ZNF700: variants seen among roughly 807,000 people sequenced by gnomAD.
ZNF700 encodes zinc finger protein 700.
In ZNF700, 38 loss-of-function variants were observed where a neutral mutation model predicts 65.3. That is an observed-to-expected ratio of 0.58 (90% CI 0.45 to 0.76). The LOEUF (loss-of-function observed/expected upper bound fraction) is 0.76, where lower values mean the gene tolerates loss of function less well. ZNF700 is among the 30% of genes least tolerant of loss of function. The pLI, the probability that ZNF700 is intolerant of heterozygous loss-of-function variation, is 0.00. For synonymous variants in ZNF700, 285 were observed against 290.4 expected (o/e 0.98, Z 0.19); for missense variants, 857 against 888.4 (o/e 0.96, Z 0.45).
In ZNF700 at chr19:11,949,352, A is replaced by G; in HGVS notation, c.1328A>G (p.Glu443Gly). Residue 443 changes from glutamate (E) to glycine (G), a missense_variant, in exon 4 of 4, where the codon GAG becomes GGG. This residue lies in a region of ZNF700 where 603 missense variants were observed against 619.9 expected (regional missense o/e 0.97). Coordinates refer to ENST00000254321, the MANE Select transcript of ZNF700 (RefSeq NM_144566.3). ...GTGCACGGTGGGACTCACACTGGAG[A>G]GAAACCCTATGAATGTAAGGAATGT... is the stretch of plus-strand genomic sequence containing the variant. ...LRVHGGTHTG[E>G]KPYECKECGK... is the part of the protein sequence containing the mutation. The G allele has an allele frequency of 6.2e-7, 1 of 1,613,826 alleles. No individual in the cohort carries two copies. Among genetic ancestry groups the G allele is most frequent in the East Asian group, 2.2e-5 (1 of 44,822 alleles).
intron 1 of ZNF700, among the ~76,000 whole-genome samples, chr19:11,945,476 A>G (rs191178428): frequency 1.3e-5 from 2 of 152,270 alleles, no homozygotes; most frequent in Admixed American, 6.5e-5. Context: ...GCAAAGGACT[A>G]TAATTCCAAA....
Position 11,949,242 on chromosome 19 carries a change from A to G in ZNF700, c.1218A>G (p.Arg406=), listed in dbSNP as rs1252537763. 2 of 1,613,840 alleles carry G rather than the reference A, an allele frequency of 1.2e-6. No homozygotes were observed. The highest frequency in any genetic ancestry group is 2.2e-5 in the East Asian group (1 of 44,858). The change falls in exon 4 of 4, where the codon CGA becomes CGG. Residue 406 remains arginine (R), a synonymous_variant. Transcript: ENST00000254321. ...GKAFNLSSSF[R]YHERIHTGEK... is the part of the protein sequence containing the mutation. ...CCTTCAATCTTTCCAGTTCCTTTCG[A>G]TATCATGAAAGGATTCACACTGGAG... is the stretch of plus-strand genomic sequence containing the variant.
rs142459251 is a variant in ZNF700, at chr19:11,935,962, G to T, written c.63+10689G>T. The stretch of plus-strand genomic sequence containing the variant: ...TATGAGTGAGAATATGCAGTGTTTG[G>T]TTTTCTGTTCTTGTGATAGTCTGCT... On this transcript the variant is annotated intron_variant, in intron 1 of 3. Coordinates refer to ENST00000254321, the MANE Select transcript of ZNF700 (RefSeq NM_144566.3). 2.6e-4 allele frequency among the ~76,000 whole-genome samples: 39 copies of T among 152,238 alleles called. No homozygotes were observed. The East Asian group carries it at 6.6e-3, about 26-fold the overall frequency.
chr19:11,947,120 G>A (rs1002801609), intron 1 of ZNF700, 61 bp from the exon 2 acceptor site: 16 of 1,588,166 alleles, frequency 1.0e-5, no homozygotes, highest in African/African-American at 8.2e-5. Context: ...TGGGAATAGA[G>A]TCTAGGCCTC....
chr19:11,946,858 C>G (rs1036008028), intron 1 of ZNF700: 1 of 261,936 alleles, frequency 3.8e-6, no homozygotes, highest in African/African-American at 2.3e-5. Flanking sequence ...AGGTCACTCA[C>G]GCGTGGTGGT....
rs775770825 is a variant in ZNF700, at chr19:11,948,815, C to T, written c.791C>T (p.Thr264Ile). Residue 264 changes from threonine (T) to isoleucine (I), a missense_variant, in exon 4 of 4, where the codon ACC (threonine) becomes ATC (isoleucine). This residue lies in a region of ZNF700 where 603 missense variants were observed against 619.9 expected (regional missense o/e 0.97). Coordinates refer to ENST00000254321, the MANE Select transcript of ZNF700 (RefSeq NM_144566.3). ...QCGKSFTYSA[T>I]LQIHERTHTG... ...GGTAAATCCTTTACTTATTCTGCTA[C>T]CCTTCAAATACATGAAAGAACTCAC... 5.6e-6 allele frequency: 9 copies of T among 1,608,460 alleles called. No individual in the cohort carries two copies. The East Asian group carries it at 2.0e-4, about 36-fold the overall frequency.
intron 1 of ZNF700, among the ~76,000 whole-genome samples, chr19:11,926,864 G>C (rs902868708): frequency 6.6e-6 from 1 of 152,196 alleles, no homozygotes; most frequent in Non-Finnish European, 1.5e-5. Context: ...TTATTCAAGC[G>C]GAAGGATAGC....
At chr19:11,929,148 T>G (rs1972678010) in intron 1 of ZNF700, among the ~76,000 whole-genome samples, 1 of 148,158 alleles carries the variant, frequency 6.7e-6, no homozygotes, top group African/African-American at 2.6e-5. Context: ...CCAGCTTAAA[T>G]TTTTGAATTA....
chr19:11,947,066 G>C, intron 1 of ZNF700, 115 bp from the exon 2 acceptor site: 1 of 1,466,870 alleles, frequency 6.8e-7, no homozygotes, highest in Non-Finnish European at 9.1e-7. Flanking sequence ...GATAACCGAA[G>C]CAGGGAATAA....
Position 11,925,139 on chromosome 19 carries a change from G to C in ZNF700, c.-72G>C. 3 of 1,582,038 alleles carry C rather than the reference G, an allele frequency of 1.9e-6. No homozygotes were observed. Among genetic ancestry groups the C allele is most frequent in the Non-Finnish European group, 2.6e-6 (3 of 1,160,172 alleles). ...TTCCTCGCTGCGCGGGCGGCGGTTG[G>C]TAACCGGTCAGACCAGCCCGAGAGG... On this transcript the variant is annotated 5_prime_UTR_variant, in exon 1 of 4. Coordinates refer to ENST00000254321, the MANE Select transcript of ZNF700 (RefSeq NM_144566.3).
chr19:11,948,662 T>C lies in ZNF700; in HGVS notation c.638T>C (p.Met213Thr). ...FIFHSSIRRHMVMHSGDGTYK... is the reference protein window; with the variant it reads ...FIFHSSIRRHTVMHSGDGTYK... ...TTCCATTCAAGCATTCGAAGACACA[T>C]GGTAATGCACAGTGGGGATGGAACT... is the stretch of plus-strand genomic sequence containing the variant. The change falls in exon 4 of 4, where the codon ATG (methionine) becomes ACG (threonine). Residue 213 changes from methionine to threonine, a missense_variant. This residue lies in a region of ZNF700 where 603 missense variants were observed against 619.9 expected (regional missense o/e 0.97). Coordinates refer to ENST00000254321, the MANE Select transcript of ZNF700 (RefSeq NM_144566.3). 2 of 1,612,002 alleles carry C rather than the reference T, an allele frequency of 1.2e-6. No homozygotes were observed. The highest frequency in any genetic ancestry group is 1.7e-6 in the Non-Finnish European group (2 of 1,179,528).
At chr19:11,925,376 G>A in intron 1 of ZNF700, 103 bp downstream of exon 1, 6 of 1,543,648 alleles carry the variant, frequency 3.9e-6, no homozygotes, top group Non-Finnish European at 5.3e-6. Context: ...GCGACTCCGG[G>A]GTCTGGGACC....
chr19:11,941,592 G>A (rs1439195370), intron 1 of ZNF700, among the ~76,000 whole-genome samples: 5 of 152,192 alleles, frequency 3.3e-5, no homozygotes, highest in Non-Finnish European at 7.4e-5. Context: ...TGCTCCGAGT[G>A]CGGGGCCGCC....
At chr19:11,947,679 C>T (rs577545162) in intron 3 of ZNF700, 105 bp downstream of exon 3, 1 of 1,123,146 alleles carries the variant, frequency 8.9e-7, no homozygotes, top group East Asian at 2.4e-5. Flanking sequence ...GCATCAAATT[C>T]ATTTCTTCTT....
At chr19:11,940,887 C>T (rs1160134672) in intron 1 of ZNF700, among the ~76,000 whole-genome samples, 2 of 152,136 alleles carry the variant, frequency 1.3e-5, no homozygotes, top group Non-Finnish European at 2.9e-5. Context: ...AAGGCCCCAC[C>T]AGAATAGCTA....
chr19:11,935,277 C>A (rs1221843626), intron 1 of ZNF700, among the ~76,000 whole-genome samples: 1 of 128,836 alleles, frequency 7.8e-6, no homozygotes, highest in Non-Finnish European at 1.6e-5. Context: ...GGCTCTGTTG[C>A]CCAGTCTGGA....
rs1020331984 is a variant in ZNF700, at chr19:11,932,250, G to A, written c.63+6977G>A. On this transcript the variant is annotated intron_variant, in intron 1 of 3. Transcript: ENST00000254321. The stretch of plus-strand genomic sequence containing the variant: ...ACCCAGCTACTCAGGAGACTGAGGT[G>A]GAAGGATCTGTTGAGCCTAGGAGTT... Among the ~76,000 whole-genome samples the A allele has an allele frequency of 1.9e-4, 28 of 148,322 alleles. 1 individual carries two copies. Among genetic ancestry groups the A allele is most frequent in the African/African-American group, 7.1e-4 (27 of 38,026 alleles).
chr19:11,949,710 A>G lies in ZNF700; in HGVS notation c.1686A>G (p.Lys562=). ...ATGAAAGGACTCACACTGGAGAGAA[A>G]CCCTATGAGTGTAAGCAATGTGGGA... The part of the protein sequence containing the change: ...RYHERTHTGE[K]PYECKQCGKA... The change falls in exon 4 of 4, where the codon AAA becomes AAG. Residue 562 remains lysine, a synonymous_variant. Coordinates refer to ENST00000254321, the MANE Select transcript of ZNF700 (RefSeq NM_144566.3). 9 of 1,613,798 alleles carry G rather than the reference A, an allele frequency of 5.6e-6. No homozygotes were observed. Among genetic ancestry groups the G allele is most frequent in the Non-Finnish European group, 7.6e-6 (9 of 1,179,958 alleles).
intron 1 of ZNF700, among the ~76,000 whole-genome samples, chr19:11,944,013 A>G (rs921221047): frequency 6.6e-6 from 1 of 151,898 alleles, no homozygotes; most frequent in Admixed American, 6.6e-5. Context: ...CTCTACCTTC[A>G]CGGTGGTGTG....
Sources: allele counts gnomAD v4.1 joint callset (sites outside exome capture counted in the v4.1 genomes callset), GRCh38; gene constraint gnomAD v4.1.1; regional missense constraint gnomAD v4.1.1; transcripts MANE v1.5; gene names NCBI Gene and HGNC (gene_info 2026-07-23, HGNC 2026-07-21).